The following SOX6 variants were observed in gnomAD, a reference collection of about 807,000 sequenced individuals.
The protein encoded by SOX6 is transcription factor SOX-6.
Under a neutral mutation model 97.8 loss-of-function variants are expected in SOX6, and 11 were observed. That is an observed-to-expected ratio of 0.11 (90% CI 0.07 to 0.19). The LOEUF (loss-of-function observed/expected upper bound fraction) is 0.19. Among genes scored for constraint, SOX6 ranks in the 10% least tolerant of loss-of-function variants. SOX6 has a pLI of 1.00. For missense variants in SOX6, 810 were observed against 1,039.5 expected (o/e 0.78, Z 3.04); for synonymous variants, 360 against 371.4 (o/e 0.97, Z 0.35).
intron 2 of SOX6, among the ~76,000 whole-genome samples, chr11:16,722,819 A>C (rs948999422): frequency 5.3e-5 from 8 of 152,220 alleles, no homozygotes; most frequent in Non-Finnish European, 7.3e-5. Flanking sequence ...TTAAAAAGTA[A>C]AAAACAACAG....
chr11:16,205,212 A>T (rs890708596), intron 4 of SOX6, among the ~76,000 whole-genome samples: 4 of 152,140 alleles, frequency 2.6e-5, no homozygotes, highest in African/African-American at 9.6e-5. Context: ...ATGAGTTTTC[A>T]TATGTGCTAG....
chr11:16,325,252 A>G (rs1856050433), intron 2 of SOX6, among the ~76,000 whole-genome samples: 1 of 152,156 alleles, frequency 6.6e-6, no homozygotes, highest in South Asian at 2.1e-4. Context: ...TTAAATGAAA[A>G]AAAGCATATA....
Position 16,186,776 on chromosome 11 carries a change from G to A in SOX6, c.708+7C>T. The stretch of plus-strand genomic sequence containing the variant: ...TCCAGTTCGTCAGTGCCTTTTGCAG[G>A]GCTCACCTGTTCTTGCTGTTGGCGA... On this transcript the variant is annotated splice_region_variant and intron_variant, in intron 5 of 15. Transcript: ENST00000683767. 3 of 1,612,356 alleles carry A rather than the reference G, an allele frequency of 1.9e-6. No homozygotes were observed. The highest frequency in any genetic ancestry group is 2.5e-6 in the Non-Finnish European group (3 of 1,179,742).
At chr11:16,494,420 G>A (rs1037282162) in intron 4 of SOX6, among the ~76,000 whole-genome samples, 1 of 151,976 alleles carries the variant, frequency 6.6e-6, no homozygotes, top group Non-Finnish European at 1.5e-5. Flanking sequence ...AATGAGAAAG[G>A]CTACACATCC....
intron 3 of SOX6, among the ~76,000 whole-genome samples, chr11:16,690,427 T>G (rs1168662510): frequency 6.6e-6 from 1 of 152,202 alleles, no homozygotes; most frequent in Non-Finnish European, 1.5e-5. Context: ...AAGCCAAGAT[T>G]TTGACTCTTT....
intron 4 of SOX6, among the ~76,000 whole-genome samples, chr11:16,579,690 C>A (rs1848014042): frequency 6.6e-6 from 1 of 152,018 alleles, no homozygotes; most frequent in African/African-American, 2.4e-5. Context: ...TTAATGTACT[C>A]TCCTGTTGTG....
chr11:15,988,837 G>A (rs912557231), intron 14 of SOX6, among the ~76,000 whole-genome samples, 160 bp downstream of exon 14: 4 of 152,238 alleles, frequency 2.6e-5, no homozygotes, highest in South Asian at 2.1e-4. Flanking sequence ...GGAGGCAGAC[G>A]TGATGACGAA....
At chr11:16,262,034 A>C (rs539372832) in intron 3 of SOX6, among the ~76,000 whole-genome samples, 1 of 152,126 alleles carries the variant, frequency 6.6e-6, no homozygotes, top group Non-Finnish European at 1.5e-5. Flanking sequence ...CATAAAGCAC[A>C]AAGGCTCTTT....
intron 1 of SOX6, among the ~76,000 whole-genome samples, chr11:16,390,599 T>C (rs997280253): frequency 7.9e-5 from 12 of 152,344 alleles, no homozygotes; most frequent in East Asian, 3.9e-4. Context: ...CCACTGTCCT[T>C]TCCTTTGATC....
intron 4 of SOX6, among the ~76,000 whole-genome samples, chr11:16,488,450 A>G (rs1860468991): frequency 6.6e-6 from 1 of 152,152 alleles, no homozygotes; most frequent in Admixed American, 6.5e-5. Flanking sequence ...TGCTTCCTAG[A>G]TGGGGTATGC....
intron 3 of SOX6, among the ~76,000 whole-genome samples, chr11:16,685,541 A>G (rs529960284): frequency 1.3e-5 from 2 of 152,364 alleles, no homozygotes; most frequent in Admixed American, 1.3e-4. Flanking sequence ...CTCTGACTCC[A>G]TGTCCCACAT....
chr11:16,388,757 T>G (rs73431686), intron 1 of SOX6, among the ~76,000 whole-genome samples: 8,834 of 152,194 alleles, frequency 0.058, 794 homozygotes, highest in African/African-American at 0.19. Flanking sequence ...TGTTTCTTTT[T>G]TTCTTGGTCT....
intron 4 of SOX6, among the ~76,000 whole-genome samples, chr11:16,215,033 C>T (rs1435843610): frequency 1.3e-5 from 2 of 152,140 alleles, no homozygotes; most frequent in African/African-American, 4.8e-5. Context: ...CAGGCGTGAG[C>T]CATCGCGCCC....
Position 16,709,416 on chromosome 11 carries a change from G to A in SOX6, n.429+5414C>T, listed in dbSNP as rs1384476588. Among the ~76,000 whole-genome samples, 6 of 152,212 alleles carry A rather than the reference G, an allele frequency of 3.9e-5. No homozygotes were observed. The South Asian group carries it at 8.3e-4, about 21-fold the overall frequency. Reference sequence around the variant, plus strand: ...ACTGGTAGTCCCAGCTACTTGGGACGCTGAGGCACGAGAATCACTTGAACT... The same window carrying A: ...ACTGGTAGTCCCAGCTACTTGGGACACTGAGGCACGAGAATCACTTGAACT... On this transcript the variant is annotated intron_variant and non_coding_transcript_variant, in intron 3 of 5. Transcript: ENST00000524520.
At position 16,186,778 on chromosome 11, in the gene SOX6, C is replaced by T. The variant is rs776378877; in HGVS notation, c.708+5G>A. 1.9e-6 allele frequency: 3 copies of T among 1,612,488 alleles called. No individual in the cohort carries two copies. Among genetic ancestry groups the T allele is most frequent in the East Asian group, 4.5e-5 (2 of 44,884 alleles). Reference sequence around the variant, plus strand: ...CAGTTCGTCAGTGCCTTTTGCAGGGCTCACCTGTTCTTGCTGTTGGCGAGC... The same window carrying T: ...CAGTTCGTCAGTGCCTTTTGCAGGGTTCACCTGTTCTTGCTGTTGGCGAGC... On this transcript the variant is annotated splice_donor_5th_base_variant and intron_variant, in intron 5 of 15. Coordinates refer to ENST00000683767, the MANE Select transcript of SOX6 (RefSeq NM_001367873.1).
intron 1 of SOX6, among the ~76,000 whole-genome samples, chr11:16,373,769 T>C (rs1235803356): frequency 6.7e-6 from 1 of 150,058 alleles, no homozygotes; most frequent in African/African-American, 2.5e-5. Context: ...CTGAACATTA[T>C]TAGGTCATAA....
At chr11:16,294,388 G>C (rs1855006613) in intron 3 of SOX6, among the ~76,000 whole-genome samples, 1 of 151,856 alleles carries the variant, frequency 6.6e-6, no homozygotes, top group African/African-American at 2.4e-5. Flanking sequence ...AATGCCTTTG[G>C]GCAATTGGAC....
At chr11:16,351,252 T>G (rs1016891705) in intron 1 of SOX6, among the ~76,000 whole-genome samples, 2 of 152,008 alleles carry the variant, frequency 1.3e-5, no homozygotes, top group East Asian at 3.9e-4. Flanking sequence ...TCATCAAGGT[T>G]CAAAACATGA....
chr11:16,108,990 A>ACCATG (rs931753712), intron 7 of SOX6, among the ~76,000 whole-genome samples: 1 of 152,094 alleles, frequency 6.6e-6, no homozygotes, highest in African/African-American at 2.4e-5. Flanking sequence ...AGGCACAAAT[A>ACCATG]CCATGAAATC....
Sources: gnomAD v4.1 joint callset for allele counts (sites outside exome capture counted in the v4.1 genomes callset) on GRCh38, gnomAD v4.1.1 for gene constraint, MANE v1.5 for transcripts, NCBI Gene and HGNC (gene_info 2026-07-23, HGNC 2026-07-21) for gene names.